ACSL6: variants seen among roughly 807,000 people sequenced by gnomAD.
ACSL6 encodes the protein long-chain-fatty-acid--CoA ligase 6.
In ACSL6, 47 loss-of-function variants were observed where a neutral mutation model predicts 98.2. The ratio of observed to expected loss-of-function variants is 0.48; its 90% CI spans 0.38 to 0.61. The LOEUF is 0.61. ACSL6 is among the 20% of genes least tolerant of loss of function. The pLI is 0.00. For missense variants in ACSL6, 761 were observed against 913.4 expected, an observed-to-expected ratio of 0.83 and a Z score of 2.15; for synonymous variants, 362 against 336.9, an observed-to-expected ratio of 1.07 and a Z score of -0.82.
At chr5:131,972,891 G>A (rs1753391931) in intron 12 of ACSL6, 33 bp from the exon 13 acceptor site, 2 of 1,613,740 alleles carry the variant, frequency 1.2e-6, no homozygotes, top group East Asian at 2.2e-5. Context: ...AGCTGTCAGA[G>A]CCTGAATGTC....
intron 1 of ACSL6, among the ~76,000 whole-genome samples, chr5:131,996,958 C>T (rs1423115780): frequency 6.6e-6 from 1 of 151,794 alleles, no homozygotes; most frequent in Non-Finnish European, 1.5e-5. Flanking sequence ...GAAAGGGTGG[C>T]CTGGCAGAGG....
chr5:131,975,554 G>T (rs1159427634), intron 10 of ACSL6: 1 of 985,336 alleles, frequency 1.0e-6, no homozygotes, highest in Non-Finnish European at 1.2e-6. Flanking sequence ...AGCCAGAGGA[G>T]GAGACAAGGC....
chr5:131,971,642 T>C lies in ACSL6; in HGVS notation c.1342A>G (p.Ser448Gly), dbSNP rs765710589. 4 of 1,600,962 alleles carry C rather than the reference T, an allele frequency of 2.5e-6. No individual in the cohort carries two copies. Among genetic ancestry groups the C allele is most frequent in the South Asian group, 1.1e-5 (1 of 88,494 alleles). ...ATCATCCGCACACACCCACCAAGAC[T>C]GGCCTGTGGGAAGAAAGAAGAGCTG... ...DELFFNKIQA[S>G]LGGCVRMIVT... The change falls in exon 14 of 21, where the codon AGT (serine) becomes GGT (glycine). Residue 448 changes from serine (S) to glycine (G), a missense_variant. By Grantham distance (56) the Ser-to-Gly change is moderately conservative (BLOSUM62 0). Coordinates refer to ENST00000651883, the MANE Select transcript of ACSL6 (RefSeq NM_001009185.3).
At chr5:131,955,207 A>T (rs1028813809) in intron 20 of ACSL6, among the ~76,000 whole-genome samples, 1 of 152,200 alleles carries the variant, frequency 6.6e-6, no homozygotes, top group Admixed American at 6.5e-5. Context: ...GGTATCATTT[A>T]TGGCTAAAGA....
At position 131,950,564 on chromosome 5, in the gene ACSL6, A is replaced by G. The variant is rs1752105212; in HGVS notation, c.*3670T>C. The stretch of plus-strand genomic sequence containing the variant: ...AATTTATAGTTTACCAATTTTATAT[A>G]CGGTTATTCATTCTTTTTTTCCTGA... On this transcript the variant is annotated 3_prime_UTR_variant, in exon 21 of 21. Transcript: ENST00000651883. The G allele has an allele frequency of 1.0e-5, 2 of 198,296 alleles. No homozygotes were observed. Among genetic ancestry groups the G allele is most frequent in the African/African-American group, 2.3e-5 (1 of 43,422 alleles). 12.3% of individuals were successfully genotyped at this position (198,296 alleles called of 1,614,324 possible). A position where few individuals can be genotyped will look rare whatever the true frequency, so the allele number is the denominator to read the frequency against.
intron 16 of ACSL6, among the ~76,000 whole-genome samples, chr5:131,966,991 C>T (rs1246956837): frequency 1.3e-5 from 2 of 152,190 alleles, no homozygotes; most frequent in Non-Finnish European, 2.9e-5. Context: ...GATCATGTTT[C>T]TGCTGGGACA....
intron 17 of ACSL6, among the ~76,000 whole-genome samples, chr5:131,964,065 A>G (rs1348270972): frequency 6.6e-6 from 1 of 152,220 alleles, no homozygotes; most frequent in Non-Finnish European, 1.5e-5. Flanking sequence ...TAAAAGCACA[A>G]ATGTCTTTAT....
Position 131,952,736 on chromosome 5 carries a change from A to G in ACSL6, c.*1498T>C. ...CAATACAGGGTGCATCTAAATACAT[A>G]ATGCAAGAAAGGAGGTTTTAGTGGT... On this transcript the variant is annotated 3_prime_UTR_variant, in exon 21 of 21. Transcript: ENST00000651883. The G allele has an allele frequency of 4.6e-6, 1 of 217,306 alleles. No homozygotes were observed. The highest frequency in any genetic ancestry group is 9.2e-6 in the Non-Finnish European group (1 of 108,176). The allele number at this position is 217,306 out of a possible 1,614,324, so 13.5% of individuals were successfully genotyped here. A position where few individuals can be genotyped will look rare whatever the true frequency, so the allele number is the denominator to read the frequency against.
At chr5:131,993,929 G>T in intron 2 of ACSL6, 102 bp downstream of exon 2, 1 of 1,242,720 alleles carries the variant, frequency 8.0e-7, no homozygotes, top group African/African-American at 1.5e-5. Flanking sequence ...ACCTTCTCTG[G>T]GCCATGTGAG....
At position 132,011,305 on chromosome 5, in the gene ACSL6, GC is replaced by G; in HGVS notation, c.49+199del. ...TATATCTCCCTCCGCAGACCCAGGT[GC>G]TCCCCAAACCCGGCCCGGAGCCCGC... On this transcript the variant is annotated intron_variant, in intron 1 of 20. Transcript: ENST00000651883. The surrounding 1 kb of genome is among the most constrained non-coding windows in gnomAD (Gnocchi z 5.4). The G allele has an allele frequency of 1.6e-6, 1 of 617,318 alleles. No individual in the cohort carries two copies. Among genetic ancestry groups the G allele is most frequent in the Non-Finnish European group, 2.9e-6 (1 of 344,590 alleles). The allele number at this position is 617,318 out of a possible 1,614,324, so 38.2% of individuals were successfully genotyped here.
rs556475271 is a variant in ACSL6, at chr5:132,011,389, C to A, written c.49+116G>T. On this transcript the variant is annotated intron_variant, in intron 1 of 20. Coordinates refer to ENST00000651883, the MANE Select transcript of ACSL6 (RefSeq NM_001009185.3). This position sits in a 1 kb window ranked among gnomAD's most constrained non-coding sequence, Gnocchi z 5.4. ...CCCTGGGGACCTTGACGGGACAGCT[C>A]AGCAGCAGGGGATGGGGGCTCGGCG... 9.5e-6 allele frequency: 11 copies of A among 1,156,852 alleles called. No homozygotes were observed. The highest frequency in any genetic ancestry group is 7.7e-5 in the East Asian group (3 of 38,838). 71.7% of individuals were successfully genotyped at this position (1,156,852 alleles called of 1,614,324 possible).
At chr5:131,969,888 A>C (rs926184890) in intron 15 of ACSL6, among the ~76,000 whole-genome samples, 1 of 152,170 alleles carries the variant, frequency 6.6e-6, no homozygotes, top group African/African-American at 2.4e-5. Context: ...TTACTCACCA[A>C]ATTTAGACCA....
At chr5:131,970,816 CA>C (rs1405946689) in intron 14 of ACSL6, among the ~76,000 whole-genome samples, 10 of 152,154 alleles carry the variant, frequency 6.6e-5, no homozygotes, top group Admixed American at 2.6e-4. Context: ...TAAAGATAAA[CA>C]TTTTAAAATC....
intron 2 of ACSL6, 45 bp downstream of exon 2, chr5:131,993,986 T>C: frequency 6.3e-7 from 1 of 1,591,582 alleles, no homozygotes; most frequent in African/African-American, 1.3e-5. Context: ...ATGCCTGTCC[T>C]CTGCCCCCTA....
intron 1 of ACSL6, among the ~76,000 whole-genome samples, chr5:132,010,874 G>T (rs1459642108): frequency 6.6e-6 from 1 of 152,188 alleles, no homozygotes; most frequent in Non-Finnish European, 1.5e-5. Context: ...AGGGGTCCTT[G>T]TAGCCGCCTA....
At chr5:131,977,861 G>A (rs921213874) in intron 9 of ACSL6, among the ~76,000 whole-genome samples, 3 of 152,136 alleles carry the variant, frequency 2.0e-5, no homozygotes, top group African/African-American at 7.2e-5. Flanking sequence ...CTCAATGAGG[G>A]GGTGGGGAGA....
chr5:131,986,732 G>C, intron 8 of ACSL6, 90 bp downstream of exon 8: 1 of 1,479,770 alleles, frequency 6.8e-7, no homozygotes, highest in Non-Finnish European at 9.5e-7. Flanking sequence ...TTAACACAGA[G>C]GTGCTGTTCT....
At chr5:131,993,644 C>T in intron 2 of ACSL6, 1 of 262,268 alleles carries the variant, frequency 3.8e-6, no homozygotes, top group Non-Finnish European at 7.4e-6. Context: ...GAGAGCAGGG[C>T]CAGGAGTGGG....
At chr5:131,963,653 C>A (rs143788754) in intron 17 of ACSL6, among the ~76,000 whole-genome samples, 84 of 152,302 alleles carry the variant, frequency 5.5e-4, no homozygotes, top group African/African-American at 2.0e-3. Flanking sequence ...GCTCACCTGT[C>A]CTTGCTCACA....
Sources: allele counts gnomAD v4.1 joint callset (sites outside exome capture counted in the v4.1 genomes callset), GRCh38; gene constraint gnomAD v4.1.1; non-coding constraint Gnocchi (gnomAD v3.1); transcripts MANE v1.5; gene names NCBI Gene and HGNC (gene_info 2026-07-23, HGNC 2026-07-21).